Variants in DLGAP2 observed in about 807,000 individuals in gnomAD.
DLGAP2 encodes disks large-associated protein 2.
Under a neutral mutation model 100.3 loss-of-function variants are expected in DLGAP2, and 26 were observed. That is an observed-to-expected ratio of 0.26 (90% confidence interval 0.19 to 0.36). The LOEUF (loss-of-function observed/expected upper bound fraction) is 0.36, where lower values mean the gene tolerates loss of function less well. DLGAP2 is among the 10% of genes least tolerant of loss of function. The pLI is 1.00. For missense variants in DLGAP2, 1,858 were observed against 1,453.2 expected, an observed-to-expected ratio of 1.28 and a Z score of -4.53; for synonymous variants, 886 against 630.1, an observed-to-expected ratio of 1.41 and a Z score of -6.08.
intron 2 of DLGAP2, among the ~76,000 whole-genome samples, chr8:1,160,758 C>T (rs781206576): frequency 1.2e-4 from 19 of 152,218 alleles, no homozygotes; most frequent in Non-Finnish European, 2.2e-4. Flanking sequence ...TGGCTCCTTC[C>T]ATGCAAAGCC....
At chr8:1,636,236 T>C (rs1797762728) in intron 8 of DLGAP2, among the ~76,000 whole-genome samples, 1 of 152,196 alleles carries the variant, frequency 6.6e-6, no homozygotes, top group Non-Finnish European at 1.5e-5. Flanking sequence ...TGGTGTAAAA[T>C]TAGATTATAA....
intron 14 of DLGAP2, among the ~76,000 whole-genome samples, chr8:1,699,862 T>C (rs147403435): frequency 1.1e-3 from 160 of 152,308 alleles, no homozygotes; most frequent in Non-Finnish European, 1.9e-3. Flanking sequence ...GAAATACTGA[T>C]GTGTACATCT....
At chr8:1,284,321 T>C (rs1799879437) in intron 3 of DLGAP2, among the ~76,000 whole-genome samples, 1 of 152,186 alleles carries the variant, frequency 6.6e-6, no homozygotes, top group Non-Finnish European at 1.5e-5. Flanking sequence ...GATTCTGCTG[T>C]GCAGGTATCT....
At position 1,247,660 on chromosome 8, in the gene DLGAP2, TG is replaced by T. The variant is rs760167444; in HGVS notation, c.74-11188del. 2.1e-4 allele frequency among the ~76,000 whole-genome samples: 5 copies of T among 23,906 alleles called. 1 individual carries two copies. Among genetic ancestry groups the T allele is most frequent in the South Asian group, 1.7e-3 (1 of 604 alleles). 15.7% of individuals were successfully genotyped at this position (23,906 alleles called of 152,430 possible). A position where few individuals can be genotyped will look rare whatever the true frequency, so the allele number is the denominator to read the frequency against. ...GCCGGGAAGACCTTTGAGATCAGTG[TG>T]GGAGTGATGGTCCATGTTGGTGGCC... On this transcript the variant is annotated intron_variant, in intron 2 of 14. Coordinates refer to ENST00000637795, the MANE Select transcript of DLGAP2 (RefSeq NM_001346810.2).
Position 1,332,018 on chromosome 8 carries a change from CTTCT to C in DLGAP2, c.106+73142_106+73145del, listed in dbSNP as rs375163998. On this transcript the variant is annotated intron_variant, in intron 3 of 14. Transcript: ENST00000637795. The stretch of plus-strand genomic sequence containing the variant: ...CAGGGCTGGCAGCACACGGCAGCGC[CTTCT>C]TTCTTTTGCTGGTGAACCAGTGTTG... Among the ~76,000 whole-genome samples the C allele has an allele frequency of 1.8e-3, 271 of 152,336 alleles. 2 individuals are homozygous for C. Among genetic ancestry groups the C allele is most frequent in the Middle Eastern group, 6.8e-3 (2 of 294 alleles).
chr8:917,870 C>T (rs907446889), intron 2 of DLGAP2, among the ~76,000 whole-genome samples: 28 of 152,152 alleles, frequency 1.8e-4, no homozygotes, highest in Non-Finnish European at 3.8e-4. Context: ...TGAGCTACTG[C>T]GCCCGGCCTC....
intron 3 of DLGAP2, among the ~76,000 whole-genome samples, chr8:1,316,076 C>G (rs1405771345): frequency 1.5e-5 from 2 of 136,038 alleles, no homozygotes; most frequent in Admixed American, 7.5e-5. Flanking sequence ...AGTGCAGCGT[C>G]TCTCCCACAG....
chr8:835,131 A>G (rs926732629), intron 1 of DLGAP2, among the ~76,000 whole-genome samples: 2 of 152,180 alleles, frequency 1.3e-5, no homozygotes, highest in Non-Finnish European at 2.9e-5. Flanking sequence ...CTGCTTTCAT[A>G]TGGATGGAGT....
intron 2 of DLGAP2, among the ~76,000 whole-genome samples, chr8:1,202,170 G>T (rs570188945): frequency 1.5e-3 from 226 of 152,170 alleles, no homozygotes; most frequent in Middle Eastern, 3.4e-3. Context: ...CAGTATCTGT[G>T]TATCTGTGTG....
chr8:974,959 T>C (rs1447853822), intron 2 of DLGAP2, among the ~76,000 whole-genome samples: 1 of 152,212 alleles, frequency 6.6e-6, no homozygotes, highest in Admixed American at 6.5e-5. Flanking sequence ...AAGAGCTTGT[T>C]CTTTGAAAAG....
intron 2 of DLGAP2, among the ~76,000 whole-genome samples, chr8:941,660 A>G (rs538544495): frequency 5.3e-5 from 8 of 152,268 alleles, no homozygotes; most frequent in African/African-American, 1.7e-4. Context: ...CCACAGCGAA[A>G]AGCCATGGTG....
intron 2 of DLGAP2, among the ~76,000 whole-genome samples, chr8:1,240,218 G>T (rs1455510873): frequency 2.8e-4 from 37 of 134,104 alleles, no homozygotes; most frequent in African/African-American, 1.0e-3. Flanking sequence ...ACATGGCACT[G>T]TGTCTAGTTC....
At chr8:1,534,536 G>C (rs1176755328) in intron 4 of DLGAP2, among the ~76,000 whole-genome samples, 1 of 152,220 alleles carries the variant, frequency 6.6e-6, no homozygotes, top group Non-Finnish European at 1.5e-5. Flanking sequence ...TTGAACACCT[G>C]AGTTTAGAAT....
At chr8:1,158,815 T>G (rs1221196881) in intron 2 of DLGAP2, among the ~76,000 whole-genome samples, 1 of 152,220 alleles carries the variant, frequency 6.6e-6, no homozygotes, top group African/African-American at 2.4e-5. Flanking sequence ...ACAGTTTTTT[T>G]TCTTGTGTGT....
chr8:1,007,420 T>C (rs958313894), intron 2 of DLGAP2, among the ~76,000 whole-genome samples: 2 of 152,238 alleles, frequency 1.3e-5, no homozygotes, highest in East Asian at 3.9e-4. Context: ...CCTTTGAATA[T>C]TGGCCATCAT....
intron 3 of DLGAP2, among the ~76,000 whole-genome samples, chr8:1,468,770 C>G (rs555218063): frequency 5.9e-5 from 9 of 151,608 alleles, no homozygotes; most frequent in African/African-American, 1.7e-4. Flanking sequence ...ATGGGCAGAG[C>G]TGCACTCCCA....
At chr8:1,602,472 C>T (rs1335619700) in intron 6 of DLGAP2, among the ~76,000 whole-genome samples, 1 of 152,236 alleles carries the variant, frequency 6.6e-6, no homozygotes, top group Non-Finnish European at 1.5e-5. Context: ...CTGATTCATG[C>T]AGCCATGTTG....
At chr8:1,173,301 G>T (rs1355426378) in intron 2 of DLGAP2, among the ~76,000 whole-genome samples, 2 of 152,328 alleles carry the variant, frequency 1.3e-5, no homozygotes, top group African/African-American at 2.4e-5. Context: ...ACTGGGGGGT[G>T]CCTCCAGTTA....
intron 3 of DLGAP2, among the ~76,000 whole-genome samples, chr8:1,459,707 A>G (rs906916885): frequency 9.2e-5 from 10 of 108,422 alleles, no homozygotes; most frequent in African/African-American, 1.9e-4. Context: ...TTTTTTTGAG[A>G]TGGAGTCTTG....
Sources: allele counts gnomAD v4.1 joint callset (sites outside exome capture counted in the v4.1 genomes callset), GRCh38; gene constraint gnomAD v4.1.1; transcripts MANE v1.5; gene names NCBI Gene and HGNC (gene_info 2026-07-23, HGNC 2026-07-21).